ATF7IP: variants seen among roughly 807,000 people sequenced by gnomAD.
ATF7IP encodes activating transcription factor 7-interacting protein 1.
In ATF7IP, 23 loss-of-function variants were observed where a neutral mutation model predicts 106.4. The observed-to-expected ratio is 0.22, with a 90% CI of 0.16 to 0.31. The LOEUF is 0.31. ATF7IP is among the 10% of genes least tolerant of loss of function. The pLI is 1.00. For synonymous variants in ATF7IP, 542 were observed against 539.0 expected, an observed-to-expected ratio of 1.01 and a Z score of -0.08; for missense variants, 1,334 against 1,524.3, an observed-to-expected ratio of 0.88 and a Z score of 2.08.
chr12:14,475,723 C>G (rs1273236989), intron 10 of ATF7IP, among the ~76,000 whole-genome samples, 167 bp from the exon 11 acceptor site: 1 of 152,040 alleles, frequency 6.6e-6, no homozygotes, highest in Non-Finnish European at 1.5e-5. Context: ...CATGAGTATC[C>G]TGGGACATTT....
At chr12:14,366,858 A>G in intron 1 of ATF7IP, among the ~76,000 whole-genome samples, 1 of 152,176 alleles carries the variant, frequency 6.6e-6, no homozygotes, top group East Asian at 1.9e-4. Context: ...TTTTTCTTTT[A>G]AACACTGTAC....
chr12:14,381,935 A>G (rs1212729409), intron 1 of ATF7IP, among the ~76,000 whole-genome samples: 2 of 151,994 alleles, frequency 1.3e-5, no homozygotes, highest in Admixed American at 6.6e-5. Flanking sequence ...GGTCATAAAA[A>G]TTTGAGATTG....
chr12:14,368,737 A>AT (rs1014732462), intron 1 of ATF7IP, among the ~76,000 whole-genome samples: 2 of 151,370 alleles, frequency 1.3e-5, no homozygotes, highest in Admixed American at 6.6e-5. Flanking sequence ...TTATATATGC[A>AT]TTTTTTTCAT....
At chr12:14,438,299 T>C (rs766359335) in intron 5 of ATF7IP, 32 bp downstream of exon 5, 3 of 1,543,502 alleles carry the variant, frequency 1.9e-6, no homozygotes, top group Non-Finnish European at 2.6e-6. Context: ...GTATACTCCA[T>C]GTGTCATTGT....
chr12:14,416,323 T>C (rs188869912), intron 1 of ATF7IP, among the ~76,000 whole-genome samples: 1 of 152,318 alleles, frequency 6.6e-6, no homozygotes. Context: ...ATTAAAATTA[T>C]TTTCAGTAGA....
Position 14,453,650 on chromosome 12 carries a change from G to GT in ATF7IP, c.1996-2908dup, listed in dbSNP as rs1359086308. On this transcript the variant is annotated intron_variant, in intron 6 of 14. Transcript: ENST00000261168. ...GTATCTTTTTTTTTTTTGAGAAGGA[G>GT]TTTCGCTCCTGTCGCCCAGGCTGGA... Among the ~76,000 whole-genome samples, 12 of 150,614 alleles carry GT rather than the reference G, an allele frequency of 8.0e-5. No homozygotes were observed. In the East Asian group the frequency reaches 1.6e-3, roughly 20 times the overall value.
chr12:14,460,927 C>T lies in ATF7IP; in HGVS notation c.2591C>T (p.Ala864Val). 1 of 1,614,170 alleles carries T rather than the reference C, an allele frequency of 6.2e-7. No individual in the cohort carries two copies. ...SIQRNPTASA[A>V]PLGTTLAVQA... Reference sequence around the variant, plus strand: ...CAAAGGAACCCTACTGCCAGTGCTGCACCATTGGGAACAACACTTGCTGTG... The same window carrying T: ...CAAAGGAACCCTACTGCCAGTGCTGTACCATTGGGAACAACACTTGCTGTG... Residue 864 changes from alanine to valine, a missense_variant, in exon 9 of 15, where the codon GCA (alanine) becomes GTA (valine). Coordinates refer to ENST00000261168, the MANE Select transcript of ATF7IP (RefSeq NM_018179.5).
intron 10 of ATF7IP, 59 bp downstream of exon 10, chr12:14,466,649 A>T (rs567641720): frequency 7.7e-7 from 1 of 1,292,366 alleles, no homozygotes; most frequent in South Asian, 1.3e-5. Flanking sequence ...AGGAAAATGA[A>T]TTTTCATCAT....
At chr12:14,368,764 G>A (rs933961237) in intron 1 of ATF7IP, among the ~76,000 whole-genome samples, 7 of 151,844 alleles carry the variant, frequency 4.6e-5, no homozygotes, top group African/African-American at 1.7e-4. Context: ...TGAATTAGCT[G>A]TTTGACTTTT....
At chr12:14,382,485 A>G (rs1939039409) in intron 1 of ATF7IP, among the ~76,000 whole-genome samples, 1 of 152,204 alleles carries the variant, frequency 6.6e-6, no homozygotes, top group Non-Finnish European at 1.5e-5. Flanking sequence ...TAATAAGCAC[A>G]TAGTAGTTCC....
At chr12:14,388,427 A>G (rs1392311360) in intron 1 of ATF7IP, among the ~76,000 whole-genome samples, 2 of 132,828 alleles carry the variant, frequency 1.5e-5, no homozygotes, top group Non-Finnish European at 1.6e-5. Flanking sequence ...GCTCACTGCA[A>G]CCTCCGCCTC....
rs1943608158 is a variant in ATF7IP, at chr12:14,460,823, C to G, written c.2487C>G (p.Thr829=). The stretch of plus-strand genomic sequence containing the variant: ...GCCCACCTACAGTGAGTGGTCTTAC[C>G]AAAAATCCAGTATCCTTGCCATCCT... ...VQSPPTVSGL[T]KNPVSLPSLP... is the part of the protein sequence containing the mutation. The change falls in exon 9 of 15, where the codon ACC becomes ACG. Residue 829 remains threonine, a synonymous_variant. Coordinates refer to ENST00000261168, the MANE Select transcript of ATF7IP (RefSeq NM_018179.5). 11 of 1,614,028 alleles carry G rather than the reference C, an allele frequency of 6.8e-6. No individual in the cohort carries two copies. The highest frequency in any genetic ancestry group is 9.3e-6 in the Non-Finnish European group (11 of 1,180,032).
intron 2 of ATF7IP, among the ~76,000 whole-genome samples, chr12:14,430,112 G>A (rs1197053250): frequency 6.6e-6 from 1 of 152,170 alleles, no homozygotes; most frequent in African/African-American, 2.4e-5. Context: ...AGATAAGGAA[G>A]AACCAACAAA....
chr12:14,400,569 AT>A (rs374290771), intron 1 of ATF7IP, among the ~76,000 whole-genome samples: 9 of 150,028 alleles, frequency 6.0e-5, no homozygotes, highest in South Asian at 4.2e-4. Flanking sequence ...TTTCTCAGAG[AT>A]TTTTTTTTTA....
intron 13 of ATF7IP, among the ~76,000 whole-genome samples, chr12:14,488,700 G>T (rs940698667): frequency 1.3e-5 from 2 of 151,980 alleles, no homozygotes; most frequent in Admixed American, 1.3e-4. Flanking sequence ...AATATCATAC[G>T]CAGCCTTCAA....
At chr12:14,475,391 G>T (rs907240611) in intron 10 of ATF7IP, among the ~76,000 whole-genome samples, 2 of 152,134 alleles carry the variant, frequency 1.3e-5, no homozygotes, top group African/African-American at 4.8e-5. Flanking sequence ...CATGATTTTG[G>T]ATGATGGGTT....
intron 1 of ATF7IP, 128 bp downstream of exon 1, chr12:14,365,955 G>C (rs1938267580): frequency 6.6e-6 from 1 of 152,336 alleles, no homozygotes; most frequent in South Asian, 2.0e-4. Flanking sequence ...GCGGAGCTGC[G>C]GGCGGCGCTG....
intron 2 of ATF7IP, among the ~76,000 whole-genome samples, chr12:14,430,980 C>G (rs1942089544): frequency 6.6e-6 from 1 of 152,310 alleles, no homozygotes; most frequent in East Asian, 1.9e-4. Context: ...AAAGATTTGC[C>G]AATCTCTTAT....
Position 14,491,245 on chromosome 12 carries a change from C to T in ATF7IP, c.3281-4986C>T, listed in dbSNP as rs559218005. ...CCTTTCAGGTCACTTGATAAATGGG[C>T]TGGAGTAACACACCCACATGAGGAA... On this transcript the variant is annotated intron_variant, in intron 13 of 14. Coordinates refer to ENST00000261168, the MANE Select transcript of ATF7IP (RefSeq NM_018179.5). Among the ~76,000 whole-genome samples the T allele has an allele frequency of 2.6e-5, 4 of 152,318 alleles. No homozygotes were observed. In the East Asian group the frequency reaches 5.8e-4, roughly 22 times the overall value.
Sources: gnomAD v4.1 joint callset for allele counts (sites outside exome capture counted in the v4.1 genomes callset) on GRCh38, gnomAD v4.1.1 for gene constraint, MANE v1.5 for transcripts, NCBI Gene and HGNC (gene_info 2026-07-23, HGNC 2026-07-21) for gene names.